Variants in MTHFD1L observed in about 807,000 individuals in gnomAD.
The protein encoded by MTHFD1L is methylenetetrahydrofolate dehydrogenase (NADP+ dependent) 1 like, also known as monofunctional C1-tetrahydrofolate synthase, mitochondrial.
A neutral mutation model predicts 119.5 loss-of-function variants in MTHFD1L; 81 were observed. The ratio of observed to expected loss-of-function variants is 0.68; its 90% CI spans 0.57 to 0.82. The LOEUF (loss-of-function observed/expected upper bound fraction) is 0.82. Ranked by LOEUF, MTHFD1L falls within the 40% of genes least tolerant of loss-of-function variation. MTHFD1L has a pLI of 0.00. For missense variants in MTHFD1L, 1,125 were observed against 1,253.4 expected, an observed-to-expected ratio of 0.90 and a Z score of 1.55; for synonymous variants, 430 against 475.2, an observed-to-expected ratio of 0.90 and a Z score of 1.24.
At chr6:150,925,026 G>T (rs1789690634) in intron 10 of MTHFD1L, among the ~76,000 whole-genome samples, 1 of 152,076 alleles carries the variant, frequency 6.6e-6, no homozygotes, top group African/African-American at 2.4e-5. Flanking sequence ...TTACCCCCGG[G>T]TCAGGCCCCT....
At chr6:151,062,828 CAT>C (rs34593749) in intron 26 of MTHFD1L, among the ~76,000 whole-genome samples, 81,158 of 149,590 alleles carry the variant, frequency 0.54, 21,879 homozygotes, top group East Asian at 0.68. Context: ...ACAAGACAGC[CAT>C]ATATATATAT....
At chr6:151,029,415 C>G (rs1785031249) in intron 24 of MTHFD1L, among the ~76,000 whole-genome samples, 3 of 151,594 alleles carry the variant, frequency 2.0e-5, no homozygotes, top group African/African-American at 7.3e-5. Context: ...GAGTGAGACT[C>G]TGTCTCAAAT....
intron 20 of MTHFD1L, among the ~76,000 whole-genome samples, chr6:150,995,540 G>A (rs1194785258): frequency 2.0e-5 from 3 of 151,260 alleles, no homozygotes; most frequent in African/African-American, 7.3e-5. Flanking sequence ...AATGCTTACC[G>A]GGACATCTCA....
Position 150,954,966 on chromosome 6 carries a change from C to T in MTHFD1L, c.1727-1029C>T, listed in dbSNP as rs1795399778. Among the ~76,000 whole-genome samples the T allele has an allele frequency of 2.0e-5, 3 of 152,108 alleles. No homozygotes were observed. In the South Asian group the frequency reaches 6.2e-4, roughly 32 times the overall value. ...AAAGAGAACTGGTACTTGCTCTATT[C>T]ACCATTCACCCCCGCCACCCCCCAC... On this transcript the variant is annotated intron_variant, in intron 16 of 27. Coordinates refer to ENST00000367321, the MANE Select transcript of MTHFD1L (RefSeq NM_015440.5).
chr6:150,869,289 A>G (rs758410115), intron 1 of MTHFD1L, among the ~76,000 whole-genome samples: 2 of 152,014 alleles, frequency 1.3e-5, no homozygotes, highest in African/African-American at 2.4e-5. Context: ...TAAGCCCCAC[A>G]TGCATTAGGT....
intron 11 of MTHFD1L, among the ~76,000 whole-genome samples, chr6:150,934,735 G>A (rs777479036): frequency 5.3e-5 from 8 of 152,186 alleles, no homozygotes; most frequent in Non-Finnish European, 7.3e-5. Context: ...GTAACTCATG[G>A]AAGACCAAAC....
chr6:150,912,204 C>G (rs572731861), intron 8 of MTHFD1L, among the ~76,000 whole-genome samples: 5 of 152,196 alleles, frequency 3.3e-5, no homozygotes, highest in Non-Finnish European at 7.4e-5. Context: ...AGACACAGAA[C>G]CAAACCATAT....
At chr6:150,891,008 C>T (rs1173793329) in intron 7 of MTHFD1L, among the ~76,000 whole-genome samples, 2 of 152,106 alleles carry the variant, frequency 1.3e-5, no homozygotes, top group East Asian at 1.9e-4. Context: ...TTTTTTGAGA[C>T]GAAGTCTCCC....
chr6:150,893,064 T>C (rs1278941360), intron 7 of MTHFD1L, among the ~76,000 whole-genome samples: 2 of 151,258 alleles, frequency 1.3e-5, no homozygotes, highest in Non-Finnish European at 2.9e-5. Context: ...TAACAACAGA[T>C]AGGGATTTTT....
chr6:150,979,088 A>G (rs1777059355), intron 20 of MTHFD1L, among the ~76,000 whole-genome samples: 1 of 152,062 alleles, frequency 6.6e-6, no homozygotes, highest in South Asian at 2.1e-4. Context: ...GAAAATACAA[A>G]ATTAGCCGAG....
At chr6:151,028,811 T>C (rs1351133468) in intron 24 of MTHFD1L, among the ~76,000 whole-genome samples, 4 of 152,148 alleles carry the variant, frequency 2.6e-5, no homozygotes, top group African/African-American at 9.7e-5. Context: ...CATGGTAGCT[T>C]GCGGCTGTAA....
intron 20 of MTHFD1L, among the ~76,000 whole-genome samples, chr6:150,982,536 G>A (rs573629243): frequency 6.6e-6 from 1 of 152,240 alleles, no homozygotes; most frequent in Admixed American, 6.5e-5. Context: ...AGTCTAAAAG[G>A]TCTTCTAGGG....
chr6:150,972,413 G>A (rs1425600677), intron 20 of MTHFD1L, among the ~76,000 whole-genome samples: 1 of 152,186 alleles, frequency 6.6e-6, no homozygotes, highest in Non-Finnish European at 1.5e-5. Flanking sequence ...TATGAAAACT[G>A]AATGAGATAT....
At chr6:150,967,930 C>T (rs1738568) in intron 19 of MTHFD1L, among the ~76,000 whole-genome samples, 69,530 of 151,878 alleles carry the variant, frequency 0.46, 16,850 homozygotes, top group South Asian at 0.56. Context: ...GTTTCCACCC[C>T]GGTCTGAAAA....
At chr6:150,897,946 A>T (rs1003980046) in intron 7 of MTHFD1L, among the ~76,000 whole-genome samples, 2 of 152,090 alleles carry the variant, frequency 1.3e-5, no homozygotes, top group African/African-American at 4.8e-5. Flanking sequence ...CCAGGTTCAA[A>T]TGATTCTCCT....
chr6:150,910,339 G>T (rs958393244), intron 8 of MTHFD1L, among the ~76,000 whole-genome samples: 13 of 151,876 alleles, frequency 8.6e-5, no homozygotes, highest in African/African-American at 2.9e-4. Context: ...TGAGGCAGGC[G>T]GATCACCTGC....
intron 4 of MTHFD1L, among the ~76,000 whole-genome samples, chr6:150,879,000 C>T (rs34407205): frequency 0.16 from 24,138 of 152,118 alleles, 2,236 homozygotes; most frequent in Middle Eastern, 0.24. Flanking sequence ...ACATCCATCC[C>T]GTTGTCCCCT....
chr6:151,069,278 T>TCTCTCTCTCC (rs1177991974), intron 26 of MTHFD1L, among the ~76,000 whole-genome samples: 96 of 151,024 alleles, frequency 6.4e-4, no homozygotes, highest in Non-Finnish European at 1.1e-3. Context: ...TCTCTCTCTC[T>TCTCTCTCTCC]CTCCCTCCCT....
intron 4 of MTHFD1L, among the ~76,000 whole-genome samples, chr6:150,882,246 C>T (rs547687941): frequency 1.3e-5 from 2 of 152,286 alleles, no homozygotes; most frequent in East Asian, 3.9e-4. Flanking sequence ...TCATTGAGGT[C>T]CAGATAACCC....
Sources: gnomAD v4.1 joint callset for allele counts (sites outside exome capture counted in the v4.1 genomes callset) on GRCh38, gnomAD v4.1.1 for gene constraint, MANE v1.5 for transcripts, NCBI Gene and HGNC (gene_info 2026-07-23, HGNC 2026-07-21) for gene names.